Variants in VBP1 observed in about 807,000 individuals in gnomAD.
VBP1 encodes VHL binding protein 1.
In VBP1, 4 loss-of-function variants were observed where a neutral mutation model predicts 15.5. The ratio of observed to expected loss-of-function variants is 0.26; its 90% confidence interval spans 0.13 to 0.59. VBP1 has a LOEUF of 0.59. Ranked by LOEUF, VBP1 falls within the 20% of genes least tolerant of loss-of-function variation. VBP1 has a pLI of 0.90. For missense variants in VBP1, 108 were observed against 139.6 expected, an observed-to-expected ratio of 0.77 and a Z score of 1.14; for synonymous variants, 61 against 52.1, an observed-to-expected ratio of 1.17 and a Z score of -0.74.
Position 155,227,308 on chromosome X carries a change from G to T in VBP1, c.285+7G>T. 1 of 1,154,074 alleles carries T rather than the reference G, an allele frequency of 8.7e-7. No individual in the cohort carries two copies. The highest frequency in any genetic ancestry group is 1.2e-6 in the Non-Finnish European group (1 of 864,767). On this transcript the variant is annotated splice_region_variant and intron_variant, in intron 3 of 5. Coordinates refer to ENST00000286428, the MANE Select transcript of VBP1 (RefSeq NM_003372.7). ...ATACATGCAGAAGAAAAAAGTAAGT[G>T]CATTTTTGTTTGTAAATATGAGCAA... is the stretch of plus-strand genomic sequence containing the variant.
upstream of VBP1, among the ~76,000 whole-genome samples, chrX:155,214,560 A>ATTTTG (rs201160814): frequency 9.0e-6 from 1 of 111,544 alleles, no homozygotes; most frequent in Non-Finnish European, 1.9e-5. Context: ...TTTTCTTTAC[A>ATTTTG]TTTTGTTTTG....
intron 1 of VBP1, among the ~76,000 whole-genome samples, chrX:155,216,822 G>A (rs2074667111): frequency 8.9e-6 from 1 of 112,227 alleles, no homozygotes; most frequent in Non-Finnish European, 1.9e-5. Context: ...GGGGCGAGGG[G>A]CGAGGGGCGG....
chrX:155,227,364 T>A (rs2074724216), intron 3 of VBP1, 63 bp downstream of exon 3: 1 of 828,235 alleles, frequency 1.2e-6, no homozygotes, highest in African/African-American at 2.2e-5. Context: ...ACTCGTCTTC[T>A]TTGACTCTTT....
intron 2 of VBP1, among the ~76,000 whole-genome samples, chrX:155,221,054 G>T: frequency 9.0e-6 from 1 of 110,677 alleles, no homozygotes; most frequent in Admixed American, 9.6e-5. Flanking sequence ...AATTAGGCTG[G>T]GCCCGGCGGC....
At chrX:155,209,913 C>G (rs2074638814) in intron 2 of VBP1, among the ~76,000 whole-genome samples, 1 of 111,431 alleles carries the variant, frequency 9.0e-6, no homozygotes, top group Non-Finnish European at 1.9e-5. Flanking sequence ...AAGTAGAGGT[C>G]CCAAAGCAAA....
chrX:155,200,320 C>G (rs1355430474), intron 1 of VBP1, among the ~76,000 whole-genome samples: 8 of 104,902 alleles, frequency 7.6e-5, no homozygotes, highest in Non-Finnish European at 1.2e-4. Context: ...TTTTCAGCAC[C>G]ACACCACACC....
upstream of VBP1, chrX:155,213,474 C>T (rs782705439): frequency 8.8e-6 from 1 of 113,897 alleles, no homozygotes; most frequent in African/African-American, 3.2e-5. Context: ...CCCGGCTGTA[C>T]AAATTTAAGT....
At chrX:155,210,775 G>A (rs1357989633) in intron 2 of VBP1, among the ~76,000 whole-genome samples, 5 of 112,081 alleles carry the variant, frequency 4.5e-5, no homozygotes, top group South Asian at 3.7e-4. Context: ...TGTAATTGCT[G>A]TAGCTGCTCT....
intron 5 of VBP1, among the ~76,000 whole-genome samples, chrX:155,236,991 ATAAG>A (rs1351177704): frequency 1.8e-5 from 2 of 112,624 alleles, no homozygotes; most frequent in South Asian, 3.6e-4. Flanking sequence ...ATAGCAAACT[ATAAG>A]TAAGTTAACA....
intron 1 of VBP1, among the ~76,000 whole-genome samples, chrX:155,219,025 A>C (rs1162016907): frequency 8.9e-6 from 1 of 112,068 alleles, no homozygotes; most frequent in Non-Finnish European, 1.9e-5. Flanking sequence ...TCTCTTTAAC[A>C]TACAGAACTC....
chrX:155,202,889 A>G (rs1382402739), intron 1 of VBP1, among the ~76,000 whole-genome samples: 22 of 111,685 alleles, frequency 2.0e-4, no homozygotes, highest in African/African-American at 6.8e-4. Context: ...CAGAATCTAC[A>G]ATGAACTCAA....
At chrX:155,200,718 A>G (rs2074599706) in intron 1 of VBP1, among the ~76,000 whole-genome samples, 1 of 106,800 alleles carries the variant, frequency 9.4e-6, no homozygotes, top group South Asian at 4.3e-4. Context: ...GCAAGAGCAA[A>G]CACATTCAAA....
chrX:155,230,766 C>G (rs1602892585), intron 4 of VBP1, among the ~76,000 whole-genome samples: 1 of 110,640 alleles, frequency 9.0e-6, no homozygotes, highest in African/African-American at 3.3e-5. Flanking sequence ...TCACTGCAAC[C>G]TCTGTCTCCC....
In VBP1 at chrX:155,207,977, C is replaced by T. The variant is rs984414865; in HGVS notation, c.-30-897C>T. Among the ~76,000 whole-genome samples the T allele has an allele frequency of 2.7e-5, 3 of 111,809 alleles. No homozygotes were observed. In the Admixed American group the frequency reaches 2.8e-4, roughly 11 times the overall value. On this transcript the variant is annotated intron_variant, in intron 1 of 6. Transcript: ENST00000535916. ...AGCAGGTCAACATATTAACCCTTAG[C>T]CTTTGGTTATGAGTCATTTGAACAG...
intron 1 of VBP1, among the ~76,000 whole-genome samples, chrX:155,217,649 T>C: frequency 8.8e-6 from 1 of 113,045 alleles, no homozygotes; most frequent in Middle Eastern, 4.6e-3. Context: ...AGCTGTGTCA[T>C]TTATTTCTCT....
upstream of VBP1, chrX:155,213,104 G>A (rs1414857521): frequency 8.9e-6 from 1 of 111,960 alleles, no homozygotes; most frequent in Non-Finnish European, 1.9e-5. Context: ...GGGTGGCTTA[G>A]CATGCAGGAG....
At chrX:155,198,443 G>A (rs1051550281) in intron 1 of VBP1, among the ~76,000 whole-genome samples, 5 of 111,691 alleles carry the variant, frequency 4.5e-5, no homozygotes, top group African/African-American at 1.3e-4. Context: ...AGCAGCATTC[G>A]CAGTTCATGA....
At chrX:155,232,782 TTGCCTATGCCATAGCAGTTCCA>T (rs1302320711) in intron 4 of VBP1, among the ~76,000 whole-genome samples, 1 of 113,015 alleles carries the variant, frequency 8.8e-6, no homozygotes, top group African/African-American at 3.2e-5. Context: ...AACATATGCA[TTGCCTATGCCATAGCAGTTCCA>T]TGCCTGTCTC....
At chrX:155,228,537 T>C in intron 4 of VBP1, 55 bp downstream of exon 4, 3 of 979,873 alleles carry the variant, frequency 3.1e-6, no homozygotes, top group Non-Finnish European at 4.3e-6. Context: ...GTGTTTTCTG[T>C]AGCAAACACA....
Sources: gnomAD v4.1 joint callset for allele counts (sites outside exome capture counted in the v4.1 genomes callset) on GRCh38, gnomAD v4.1.1 for gene constraint, MANE v1.5 for transcripts, NCBI Gene and HGNC (gene_info 2026-07-23, HGNC 2026-07-21) for gene names.